The following LHPP variants were observed in gnomAD, a reference collection of about 807,000 sequenced individuals.
LHPP encodes hLHPP.
Under a neutral mutation model 30.3 loss-of-function variants are expected in LHPP, and 24 were observed. The observed-to-expected ratio is 0.79, with a 90% CI of 0.57 to 1.11. LHPP has a LOEUF of 1.11. Ranked by LOEUF, LHPP falls within the 50% of genes most tolerant of loss-of-function variation. The pLI, the probability that LHPP is intolerant of heterozygous loss-of-function variation, is 0.00. For synonymous variants in LHPP, 150 were observed against 157.1 expected, an observed-to-expected ratio of 0.95 and a Z score of 0.34; for missense variants, 356 against 367.2, an observed-to-expected ratio of 0.97 and a Z score of 0.25.
chr10:124,594,045 G>C (rs1281140061), intron 6 of LHPP, among the ~76,000 whole-genome samples: 1 of 152,190 alleles, frequency 6.6e-6, no homozygotes, highest in Non-Finnish European at 1.5e-5. Flanking sequence ...CACATTTTAA[G>C]ACAGCATCGG....
chr10:124,520,611 C>A (rs1370236990), intron 6 of LHPP, among the ~76,000 whole-genome samples: 1 of 152,212 alleles, frequency 6.6e-6, no homozygotes. Flanking sequence ...TGTTAACATG[C>A]AGGACAAAGG....
In LHPP at chr10:124,518,410, G is replaced by A. The variant is rs531656603; in HGVS notation, c.716+1139G>A. ...CAATCCTGCCTTTCCTGCAAAGGTC[G>A]CAGAGCCTGGTCTTGCTGCTGCTCC... On this transcript the variant is annotated intron_variant, in intron 6 of 6. Coordinates refer to ENST00000368842, the MANE Select transcript of LHPP (RefSeq NM_022126.4). Among the ~76,000 whole-genome samples, 14 of 152,336 alleles carry A rather than the reference G, an allele frequency of 9.2e-5. No individual in the cohort carries two copies. The South Asian group carries it at 1.7e-3, about 18-fold the overall frequency.
chr10:124,590,137 G>A lies in LHPP; in HGVS notation c.717-23127G>A, dbSNP rs1031961004. On this transcript the variant is annotated intron_variant, in intron 6 of 6. Transcript: ENST00000368842. This position sits in a 1 kb window ranked among gnomAD's most constrained non-coding sequence, Gnocchi z 4.3. ...AGCTCATTCGATTCGTTCATGTGAC[G>A]TCCTCCCTCTCCCAATCCCTGTCTC... Among the ~76,000 whole-genome samples, 2 of 152,072 alleles carry A rather than the reference G, an allele frequency of 1.3e-5. No individual in the cohort carries two copies. The highest frequency in any genetic ancestry group is 4.8e-5 in the African/African-American group (2 of 41,404).
chr10:124,525,748 C>A (rs1462758210), intron 6 of LHPP, among the ~76,000 whole-genome samples: 1 of 152,214 alleles, frequency 6.6e-6, no homozygotes, highest in Non-Finnish European at 1.5e-5. Context: ...GCTGCTGGGG[C>A]AGGGGAGACA....
rs890231435 is a variant in LHPP at position 124,462,051 on chromosome 10, CCGGCAGGGGGCGGGG to C, written c.125+81_125+95del. 638 of 1,180,142 alleles carry C rather than the reference CCGGCAGGGGGCGGGG, an allele frequency of 5.4e-4. 13 individuals are homozygous for C. The East Asian group carries it at 0.017, about 32-fold the overall frequency. 73.1% of individuals were successfully genotyped at this position (1,180,142 alleles called of 1,614,324 possible). A position where few individuals can be genotyped will look rare whatever the true frequency, so the allele number is the denominator to read the frequency against. On this transcript the variant is annotated intron_variant, in intron 1 of 6. Transcript: ENST00000368842. Reference sequence around the variant, plus strand: ...CTAAGCTCAGCCCGCTCCCTGGCTGCCGGCAGGGGGCGGGGCGGCAGGGGGCGGGGCCGCGGCGCA... The same window carrying C: ...CTAAGCTCAGCCCGCTCCCTGGCTGCCGGCAGGGGGCGGGGCCGCGGCGCA...
chr10:124,470,046 C>T (rs1244654794), intron 1 of LHPP, among the ~76,000 whole-genome samples: 1 of 152,156 alleles, frequency 6.6e-6, no homozygotes, highest in East Asian at 1.9e-4. Context: ...TGTGGGTGGG[C>T]GTGGTCACAG....
chr10:124,567,944 C>T (rs1241956050), intron 6 of LHPP, among the ~76,000 whole-genome samples: 1 of 152,182 alleles, frequency 6.6e-6, no homozygotes, highest in Admixed American at 6.5e-5. Context: ...GATGGAGTCT[C>T]GCTCTGTCGC....
chr10:124,536,569 G>GTGTGGCCCAGAGACCCTGCTT (rs1398001826), intron 6 of LHPP, among the ~76,000 whole-genome samples: 1 of 152,202 alleles, frequency 6.6e-6, no homozygotes, highest in African/African-American at 2.4e-5. Context: ...AGACCCTGCT[G>GTGTGGCCCAGAGACCCTGCTT]TGTATCCCAG....
chr10:124,561,779 C>T (rs2065367482), intron 6 of LHPP, among the ~76,000 whole-genome samples: 2 of 151,974 alleles, frequency 1.3e-5, no homozygotes, highest in Admixed American at 6.6e-5. Flanking sequence ...TTAAATAAGA[C>T]TCAGAGTCTC....
chr10:124,473,801 A>G (rs1025948807), intron 1 of LHPP, among the ~76,000 whole-genome samples: 1 of 152,114 alleles, frequency 6.6e-6, no homozygotes, highest in Non-Finnish European at 1.5e-5. Context: ...AAAATATAAA[A>G]AAATTAGCTG....
intron 5 of LHPP, chr10:124,498,660 CTTTTTTTTTTTT>C (rs552228070): frequency 1.4e-5 from 5 of 351,970 alleles, no homozygotes; most frequent in South Asian, 8.4e-5. Flanking sequence ...TTTTCTTTTT[CTTTTTTTTTTTT>C]TTTTTTTTTT....
intron 1 of LHPP, among the ~76,000 whole-genome samples, chr10:124,472,804 C>T (rs566986608): frequency 3.3e-5 from 5 of 152,280 alleles, no homozygotes; most frequent in South Asian, 2.1e-4. Flanking sequence ...GTGATCCGCC[C>T]GCCTCAGCTT....
chr10:124,560,156 A>G (rs924172021), intron 6 of LHPP, among the ~76,000 whole-genome samples: 9 of 152,258 alleles, frequency 5.9e-5, no homozygotes, highest in Non-Finnish European at 4.4e-5. Context: ...ACGTTGTTGT[A>G]TATGGAGAGA....
At chr10:124,474,378 G>A (rs1169805742) in intron 1 of LHPP, among the ~76,000 whole-genome samples, 2 of 151,926 alleles carry the variant, frequency 1.3e-5, no homozygotes, top group Admixed American at 1.3e-4. Context: ...GAGCTCAACG[G>A]ATCTGCCCAC....
At chr10:124,531,719 C>T (rs953139656) in intron 6 of LHPP, among the ~76,000 whole-genome samples, 2 of 152,208 alleles carry the variant, frequency 1.3e-5, no homozygotes, top group Non-Finnish European at 2.9e-5. Flanking sequence ...TTGGTTTGCC[C>T]AAATATTGCT....
chr10:124,600,890 A>G (rs1949012292), intron 6 of LHPP, among the ~76,000 whole-genome samples: 2 of 152,174 alleles, frequency 1.3e-5, no homozygotes, highest in South Asian at 4.1e-4. Flanking sequence ...CCACTAACGG[A>G]ATGTCCCTGA....
intron 5 of LHPP, chr10:124,498,698 T>C (rs1589797344): frequency 2.1e-6 from 1 of 482,086 alleles, no homozygotes; most frequent in East Asian, 5.7e-5. Flanking sequence ...AATGTCTCCA[T>C]TTGTCACCCT....
At chr10:124,546,518 T>G (rs1341537057) in intron 6 of LHPP, among the ~76,000 whole-genome samples, 2 of 152,184 alleles carry the variant, frequency 1.3e-5, no homozygotes, top group Admixed American at 1.3e-4. Context: ...TTCTCCTGCC[T>G]CACCCTCCCG....
chr10:124,473,864 C>T (rs1161768686), intron 1 of LHPP, among the ~76,000 whole-genome samples: 2 of 152,144 alleles, frequency 1.3e-5, no homozygotes, highest in African/African-American at 4.8e-5. Context: ...TGAAGAATCA[C>T]TTGAACCTGG....
Sources: gnomAD v4.1 joint callset for allele counts (sites outside exome capture counted in the v4.1 genomes callset) on GRCh38, gnomAD v4.1.1 for gene constraint, Gnocchi (gnomAD v3.1) non-coding constraint, MANE v1.5 for transcripts, NCBI Gene and HGNC (gene_info 2026-07-23, HGNC 2026-07-21) for gene names.